Variants in MYO1D observed in about 807,000 individuals in gnomAD.
MYO1D encodes unconventional myosin-Id.
In MYO1D, 83 loss-of-function variants were observed where a neutral mutation model predicts 122.0. That is an observed-to-expected ratio of 0.68 (90% CI 0.57 to 0.82). The LOEUF (loss-of-function observed/expected upper bound fraction) is 0.82, where lower values mean the gene tolerates loss of function less well. MYO1D is among the 40% of genes least tolerant of loss of function. MYO1D has a pLI of 0.00. For missense variants in MYO1D, 1,157 were observed against 1,269.5 expected (o/e 0.91, Z 1.35); for synonymous variants, 464 against 446.9 (o/e 1.04, Z -0.48).
chr17:32,708,233 A>G (rs1235511738), intron 16 of MYO1D, among the ~76,000 whole-genome samples: 2 of 152,198 alleles, frequency 1.3e-5, no homozygotes, highest in Non-Finnish European at 2.9e-5. Context: ...AAATACACTC[A>G]TATGAACTAT....
At chr17:32,512,179 A>C (rs1009686407) in intron 21 of MYO1D, among the ~76,000 whole-genome samples, 10 of 152,148 alleles carry the variant, frequency 6.6e-5, no homozygotes, top group African/African-American at 2.4e-4. Context: ...GCATGCCTGT[A>C]ATCCCAGCTA....
chr17:32,497,358 G>A (rs1909157935), intron 21 of MYO1D, among the ~76,000 whole-genome samples: 1 of 152,196 alleles, frequency 6.6e-6, no homozygotes, highest in Non-Finnish European at 1.5e-5. Flanking sequence ...CTGGGAGGCT[G>A]AGGCAGGAGG....
chr17:32,860,282 C>T (rs1331300842), intron 1 of MYO1D, among the ~76,000 whole-genome samples: 1 of 152,186 alleles, frequency 6.6e-6, no homozygotes, highest in Non-Finnish European at 1.5e-5. Context: ...TGTGAGATAA[C>T]ATGTTTCTTT....
intron 12 of MYO1D, among the ~76,000 whole-genome samples, chr17:32,746,888 T>C (rs754067235): frequency 6.6e-6 from 1 of 152,250 alleles, no homozygotes; most frequent in African/African-American, 2.4e-5. Context: ...TCATTCTGCA[T>C]AAGTTTCTTC....
chr17:32,618,205 T>G (rs760575112), intron 20 of MYO1D, among the ~76,000 whole-genome samples: 14 of 152,236 alleles, frequency 9.2e-5, no homozygotes, highest in Admixed American at 2.6e-4. Flanking sequence ...GAAACCAGTA[T>G]AATCGACTTT....
At chr17:32,594,386 T>G (rs1254188353) in intron 21 of MYO1D, 4 of 427,616 alleles carry the variant, frequency 9.4e-6, no homozygotes, top group African/African-American at 4.0e-5. Flanking sequence ...TGTGCCATTT[T>G]CAGATTTTAA....
intron 1 of MYO1D, among the ~76,000 whole-genome samples, chr17:32,785,431 T>A (rs1373198641): frequency 6.6e-6 from 1 of 152,350 alleles, no homozygotes; most frequent in East Asian, 1.9e-4. Flanking sequence ...TCACACTGAT[T>A]TGGCCTGTCT....
At chr17:32,523,033 T>A (rs146936704) in intron 21 of MYO1D, among the ~76,000 whole-genome samples, 1,789 of 152,304 alleles carry the variant, frequency 0.012, 27 homozygotes, top group African/African-American at 0.038. Flanking sequence ...GCCAGGATGG[T>A]CTCGATCTCC....
In MYO1D at chr17:32,696,395, A is replaced by G. The variant is rs561945562; in HGVS notation, c.2121+15593T>C. Among the ~76,000 whole-genome samples, 4 of 152,354 alleles carry G rather than the reference A, an allele frequency of 2.6e-5. No homozygotes were observed. The South Asian group carries it at 8.3e-4, about 32-fold the overall frequency. ...TGGAAAAAAAAACAACTTGCAGAAG[A>G]CTATGGACAGTATAATGTGGAAACA... On this transcript the variant is annotated intron_variant, in intron 16 of 21. Coordinates refer to ENST00000318217, the MANE Select transcript of MYO1D (RefSeq NM_015194.3).
In MYO1D at chr17:32,638,796, C is replaced by T; in HGVS notation, c.2635G>A (p.Val879Ile). 6.2e-7 allele frequency: 1 copy of T among 1,613,868 alleles called. No homozygotes were observed. Among genetic ancestry groups the T allele is most frequent in the Non-Finnish European group, 8.5e-7 (1 of 1,179,882 alleles). Residue 879 changes from valine to isoleucine, a missense_variant, in exon 20 of 22, where the codon GTC (valine) becomes ATC (isoleucine). Physicochemically the swap from Val to Ile is conservative, Grantham distance 29. Coordinates refer to ENST00000318217, the MANE Select transcript of MYO1D (RefSeq NM_015194.3). Reference sequence around the variant, plus strand: ...ATTTTATACAGGTGACGGTCAGTGACAAAAATTGCTCTGTCTTCCACCTTA... The same window carrying T: ...ATTTTATACAGGTGACGGTCAGTGATAAAAATTGCTCTGTCTTCCACCTTA... ...FSKVEDRAIF[V>I]TDRHLYKMDP...
intron 1 of MYO1D, among the ~76,000 whole-genome samples, chr17:32,858,616 T>C (rs915128439): frequency 1.3e-5 from 2 of 152,206 alleles, no homozygotes; most frequent in African/African-American, 4.8e-5. Flanking sequence ...CCTGATCACA[T>C]GGTACATGAT....
chr17:32,592,403 T>C (rs559527359), intron 21 of MYO1D, among the ~76,000 whole-genome samples: 2 of 152,234 alleles, frequency 1.3e-5, no homozygotes, highest in African/African-American at 4.8e-5. Context: ...CTTAGCAACA[T>C]GCACTTAAGA....
At chr17:32,533,190 A>AT (rs1357572511) in intron 21 of MYO1D, among the ~76,000 whole-genome samples, 1 of 152,194 alleles carries the variant, frequency 6.6e-6, no homozygotes, top group Non-Finnish European at 1.5e-5. Context: ...CCATATGCTG[A>AT]TAACTCCCAA....
chr17:32,540,102 T>C (rs550447842), intron 21 of MYO1D, among the ~76,000 whole-genome samples: 2 of 151,942 alleles, frequency 1.3e-5, no homozygotes, highest in Non-Finnish European at 2.9e-5. Flanking sequence ...TCCCAGCACT[T>C]TGGGAGTCTG....
chr17:32,753,349 C>A (rs2089916937), intron 11 of MYO1D, among the ~76,000 whole-genome samples: 1 of 151,872 alleles, frequency 6.6e-6, no homozygotes, highest in Non-Finnish European at 1.5e-5. Flanking sequence ...TGCAATATAT[C>A]CACGTAACAA....
chr17:32,876,757 G>A, intron 1 of MYO1D, 21 bp downstream of exon 1: 2 of 1,489,048 alleles, frequency 1.3e-6, no homozygotes, highest in Non-Finnish European at 9.0e-7. Context: ...GCGCCCCTGC[G>A]CGCGGCCGCT....
intron 14 of MYO1D, among the ~76,000 whole-genome samples, chr17:32,733,815 G>A (rs1282411519): frequency 6.6e-6 from 1 of 152,136 alleles, no homozygotes; most frequent in Non-Finnish European, 1.5e-5. Context: ...TTCATGGCTA[G>A]ATTCAAGATG....
chr17:32,736,525 T>C (rs1042147358), intron 14 of MYO1D, among the ~76,000 whole-genome samples: 3 of 152,240 alleles, frequency 2.0e-5, no homozygotes, highest in Non-Finnish European at 4.4e-5. Flanking sequence ...ATGCCAGTCC[T>C]GGGATGCCTT....
At chr17:32,672,944 G>T (rs1053008996) in intron 16 of MYO1D, among the ~76,000 whole-genome samples, 1 of 151,922 alleles carries the variant, frequency 6.6e-6, no homozygotes, top group African/African-American at 2.4e-5. Context: ...AAGGCAGAGA[G>T]CATGGTTTGT....
Sources: allele counts gnomAD v4.1 joint callset (sites outside exome capture counted in the v4.1 genomes callset), GRCh38; gene constraint gnomAD v4.1.1; transcripts MANE v1.5; gene names NCBI Gene and HGNC (gene_info 2026-07-23, HGNC 2026-07-21).